Variants in EEF1AKMT1 observed in about 807,000 individuals in gnomAD.
EEF1AKMT1 encodes the protein N-6 adenine-specific DNA methyltransferase 2 (putative).
EEF1AKMT1 carries 18 observed loss-of-function variants against 21.0 expected under a neutral mutation model. That is an observed-to-expected ratio of 0.86 (90% CI 0.59 to 1.27). The LOEUF is 1.27. Ranked by LOEUF, EEF1AKMT1 falls within the 50% of genes most tolerant of loss-of-function variation. The pLI, the probability that EEF1AKMT1 is intolerant of heterozygous loss-of-function variation, is 0.00. For synonymous variants in EEF1AKMT1, 109 were observed against 94.8 expected, an observed-to-expected ratio of 1.15 and a Z score of -0.87; for missense variants, 246 against 258.6, an observed-to-expected ratio of 0.95 and a Z score of 0.33.
At chr13:20,738,674 T>C (rs572668959) in intron 2 of EEF1AKMT1, among the ~76,000 whole-genome samples, 6 of 152,226 alleles carry the variant, frequency 3.9e-5, no homozygotes, top group Non-Finnish European at 7.3e-5. Flanking sequence ...GGTACTGATA[T>C]ATGCTACATG....
chr13:20,740,472 C>T (rs986847120), intron 2 of EEF1AKMT1, among the ~76,000 whole-genome samples: 3 of 152,270 alleles, frequency 2.0e-5, no homozygotes, highest in African/African-American at 7.2e-5. Flanking sequence ...TACCAGCACA[C>T]TGTCACCTCT....
intron 3 of EEF1AKMT1, among the ~76,000 whole-genome samples, chr13:20,734,025 A>T (rs1345787708): frequency 6.6e-6 from 1 of 152,180 alleles, no homozygotes; most frequent in Non-Finnish European, 1.5e-5. Context: ...GGCAGGACAC[A>T]ACTCTCCCTG....
In EEF1AKMT1 at chr13:20,728,822, TGAG is replaced by T; in HGVS notation, c.*255_*257del. 8.2e-6 allele frequency: 4 copies of T among 490,124 alleles called. No homozygotes were observed. In the South Asian group the frequency reaches 8.8e-5, roughly 11 times the overall value. 30.4% of individuals were successfully genotyped at this position (490,124 alleles called of 1,614,324 possible). The stretch of plus-strand genomic sequence containing the variant: ...TTCTTCTGTTTTTACACATGTTAAA[TGAG>T]GAGAGAAGATCAGGCAGATTCTAAG... On this transcript the variant is annotated 3_prime_UTR_variant, in exon 5 of 5. Transcript: ENST00000382758.
At chr13:20,740,529 G>A (rs2058863397) in intron 2 of EEF1AKMT1, among the ~76,000 whole-genome samples, 1 of 152,248 alleles carries the variant, frequency 6.6e-6, no homozygotes, top group African/African-American at 2.4e-5. Flanking sequence ...GACTTGCCGG[G>A]TGTGGTGGCT....
chr13:20,750,150 T>C (rs536784003), intron 2 of EEF1AKMT1, among the ~76,000 whole-genome samples: 1 of 152,224 alleles, frequency 6.6e-6, no homozygotes, highest in Admixed American at 6.5e-5. Context: ...AATGATCAAG[T>C]CAGGGTACTT....
At chr13:20,732,525 G>A (rs2058803659) in intron 3 of EEF1AKMT1, among the ~76,000 whole-genome samples, 1 of 152,126 alleles carries the variant, frequency 6.6e-6, no homozygotes, top group Admixed American at 6.5e-5. Context: ...TAGAAATGGG[G>A]TTTCATCATG....
At chr13:20,770,431 AG>A (rs1357107792) in intron 1 of EEF1AKMT1, among the ~76,000 whole-genome samples, 3 of 152,224 alleles carry the variant, frequency 2.0e-5, no homozygotes, top group Non-Finnish European at 4.4e-5. Flanking sequence ...GGTTGTCTAT[AG>A]AAGTCCCACC....
rs754738321 is a variant in EEF1AKMT1 at position 20,729,098 on chromosome 13, C to A, written c.627G>T (p.Gly209=). 6.2e-7 allele frequency: 1 copy of A among 1,614,184 alleles called. No homozygotes were observed. The highest frequency in any genetic ancestry group is 1.1e-5 in the South Asian group (1 of 91,080). ...TCTGTAATCAGATCCCACAGTCCAG[C>A]CCAGAATCATAATTCACATAACAGC... is the stretch of plus-strand genomic sequence containing the variant. ...EFRCYVNYDS[G]LDCGI The change falls in exon 5 of 5, where the codon GGG becomes GGT. Residue 209 remains glycine (G), a synonymous_variant. Coordinates refer to ENST00000382758, the MANE Select transcript of EEF1AKMT1 (RefSeq NM_001318939.2).
chr13:20,729,623 G>A (rs113994863), intron 4 of EEF1AKMT1, among the ~76,000 whole-genome samples: 211 of 152,100 alleles, frequency 1.4e-3, no homozygotes, highest in African/African-American at 4.9e-3. Flanking sequence ...ACACAGGTGC[G>A]AATGTATTGC....
intron 2 of EEF1AKMT1, among the ~76,000 whole-genome samples, chr13:20,739,577 T>C (rs940299580): frequency 1.3e-5 from 2 of 152,182 alleles, no homozygotes; most frequent in Non-Finnish European, 2.9e-5. Flanking sequence ...ATCCTCTAGC[T>C]AGACGTAAAA....
intron 1 of EEF1AKMT1, among the ~76,000 whole-genome samples, chr13:20,764,916 CA>C (rs2059019780): frequency 2.0e-5 from 3 of 148,452 alleles, no homozygotes; most frequent in Non-Finnish European, 3.0e-5. Flanking sequence ...CACACACACA[CA>C]CCCTAATTTT....
rs2058801105 is a variant in EEF1AKMT1 at position 20,732,099 on chromosome 13, T to C, written c.250A>G (p.Ser84Gly). The change falls in exon 4 of 5, where the codon AGT becomes GGT. Residue 84 changes from serine (S) to glycine (G), a missense_variant. Transcript: ENST00000382758. Reference protein sequence around the residue: ...GGRIACVSAPSVYQKLRELCR... With the variant: ...GGRIACVSAPGVYQKLRELCR... ...AGCTCTCTGAGTTTCTGGTAAACAC[T>C]AGGGGCACTCACACATGCGATTCTA... 1.9e-6 allele frequency: 3 copies of C among 1,612,156 alleles called. No individual in the cohort carries two copies. Among genetic ancestry groups the C allele is most frequent in the South Asian group, 2.2e-5 (2 of 90,744 alleles).
chr13:20,733,492 C>T (rs1054047805), intron 3 of EEF1AKMT1, among the ~76,000 whole-genome samples: 5 of 152,252 alleles, frequency 3.3e-5, no homozygotes, highest in African/African-American at 9.6e-5. Flanking sequence ...CTAAAGGAGG[C>T]GTGAGCCACT....
chr13:20,730,387 AGGGGACAAGCGCGGCCCG>A (rs1468257947), intron 4 of EEF1AKMT1, among the ~76,000 whole-genome samples: 2 of 152,212 alleles, frequency 1.3e-5, no homozygotes, highest in Non-Finnish European at 1.5e-5. Flanking sequence ...CAGGGTGCCC[AGGGGACAAGCGCGGCCCG>A]GAGGGACTGG....
intron 1 of EEF1AKMT1, among the ~76,000 whole-genome samples, chr13:20,761,782 A>C (rs1416134501): frequency 6.6e-6 from 1 of 152,170 alleles, no homozygotes; most frequent in Non-Finnish European, 1.5e-5. Flanking sequence ...GAAATGTGCA[A>C]ATTTTAAAAC....
chr13:20,738,871 G>C (rs991452530), intron 2 of EEF1AKMT1, among the ~76,000 whole-genome samples: 2 of 151,960 alleles, frequency 1.3e-5, no homozygotes, highest in Admixed American at 1.3e-4. Context: ...GTTTCTTTTA[G>C]ACGCAACGAA....
chr13:20,738,683 TG>T (rs1326045778), intron 2 of EEF1AKMT1, among the ~76,000 whole-genome samples: 3 of 152,216 alleles, frequency 2.0e-5, no homozygotes, highest in Non-Finnish European at 2.9e-5. Flanking sequence ...ATATGCTACA[TG>T]GATGAGTCTT....
At chr13:20,766,168 C>T (rs1343782404) in intron 1 of EEF1AKMT1, among the ~76,000 whole-genome samples, 1 of 151,552 alleles carries the variant, frequency 6.6e-6, no homozygotes, top group East Asian at 1.9e-4. Context: ...GGCATGTTGG[C>T]ACTGCCTGTA....
intron 4 of EEF1AKMT1, among the ~76,000 whole-genome samples, chr13:20,730,026 T>G (rs752633092): frequency 4.5e-4 from 68 of 152,246 alleles, no homozygotes; most frequent in Non-Finnish European, 9.3e-4. Context: ...GCCCCGACTC[T>G]GCCCTCCCGG....
Sources: allele counts gnomAD v4.1 joint callset (sites outside exome capture counted in the v4.1 genomes callset), GRCh38; gene constraint gnomAD v4.1.1; transcripts MANE v1.5; gene names NCBI Gene and HGNC (gene_info 2026-07-23, HGNC 2026-07-21).